DIPK1A: variants seen among roughly 807,000 people sequenced by gnomAD.
The protein encoded by DIPK1A is family with sequence similarity 69 member A.
A neutral mutation model predicts 40.8 loss-of-function variants in DIPK1A; 27 were observed. The ratio of observed to expected loss-of-function variants is 0.66; its 90% CI spans 0.49 to 0.91. The LOEUF (loss-of-function observed/expected upper bound fraction) is 0.91, where lower values mean the gene tolerates loss of function less well. Among genes scored for constraint, DIPK1A ranks in the 40% least tolerant of loss-of-function variants. The pLI, the probability that DIPK1A is intolerant of heterozygous loss-of-function variation, is 0.00. For missense variants in DIPK1A, 412 were observed against 505.7 expected, an observed-to-expected ratio of 0.81 and a Z score of 1.78; for synonymous variants, 166 against 171.3, an observed-to-expected ratio of 0.97 and a Z score of 0.24.
intron 1 of DIPK1A, among the ~76,000 whole-genome samples, chr1:92,956,114 G>C (rs1436654959): frequency 6.6e-6 from 1 of 151,918 alleles, no homozygotes; most frequent in Non-Finnish European, 1.5e-5. Context: ...CAGGACAAGG[G>C]GTATATGGGA....
intron 2 of DIPK1A, among the ~76,000 whole-genome samples, chr1:92,873,763 G>A (rs1647987435): frequency 6.6e-6 from 1 of 152,180 alleles, no homozygotes; most frequent in African/African-American, 2.4e-5. Flanking sequence ...CCAGGCTGGA[G>A]TGTTGTGGCA....
intron 1 of DIPK1A, among the ~76,000 whole-genome samples, chr1:92,877,851 A>G (rs1648196477): frequency 6.6e-6 from 1 of 152,242 alleles, no homozygotes; most frequent in Admixed American, 6.5e-5. Context: ...ACAGAAATCG[A>G]CATGTACTAA....
chr1:92,947,276 T>TA (rs1651414252), intron 1 of DIPK1A, among the ~76,000 whole-genome samples: 1 of 152,110 alleles, frequency 6.6e-6, no homozygotes, highest in African/African-American at 2.4e-5. Context: ...AGATATTTTT[T>TA]AAAAGTATAT....
chr1:92,909,280 C>T (rs1028708729), intron 1 of DIPK1A, among the ~76,000 whole-genome samples: 48 of 152,114 alleles, frequency 3.2e-4, no homozygotes, highest in Admixed American at 2.6e-4. Context: ...GTCTTTACTA[C>T]ACAAAATACC....
chr1:92,907,440 AT>A (rs1649668789), intron 1 of DIPK1A, among the ~76,000 whole-genome samples: 1 of 152,058 alleles, frequency 6.6e-6, no homozygotes, highest in South Asian at 2.1e-4. Context: ...TTTTTTTTTA[AT>A]TAAAAAAAGT....
At chr1:92,835,920 C>T (rs1557440755) in intron 4 of DIPK1A, among the ~76,000 whole-genome samples, 1 of 152,090 alleles carries the variant, frequency 6.6e-6, no homozygotes, top group Non-Finnish European at 1.5e-5. Flanking sequence ...TATGCATTCT[C>T]ATTGATTGCT....
At chr1:92,911,272 C>T (rs760468955) in intron 1 of DIPK1A, among the ~76,000 whole-genome samples, 17 of 152,138 alleles carry the variant, frequency 1.1e-4, no homozygotes, top group Admixed American at 3.3e-4. Context: ...TAACAGAGGC[C>T]CCAGAAAGCT....
At chr1:92,837,432 A>G (rs1458899932), downstream of DIPK1A, 5 of 1,602,404 alleles carry the variant, frequency 3.1e-6, no homozygotes, top group East Asian at 1.1e-4. Context: ...AGTCTATACT[A>G]AAATATGAAT....
intron 1 of DIPK1A, among the ~76,000 whole-genome samples, chr1:92,945,246 A>T (rs1651315423): frequency 6.6e-6 from 1 of 152,178 alleles, no homozygotes; most frequent in Non-Finnish European, 1.5e-5. Context: ...TGATAAAGGA[A>T]GATGGTGCCA....
In DIPK1A at chr1:92,847,312, T is replaced by G. The variant is rs755947754; in HGVS notation, c.345A>C (p.Gln115His). 6.2e-7 allele frequency: 1 copy of G among 1,612,208 alleles called. No homozygotes were observed. The highest frequency in any genetic ancestry group is 8.5e-7 in the Non-Finnish European group (1 of 1,179,156). The change falls in exon 4 of 5, where the codon CAA (glutamine) becomes CAC (histidine). Residue 115 changes from glutamine to histidine, a missense_variant. Coordinates refer to ENST00000370310, the MANE Select transcript of DIPK1A (RefSeq NM_001006605.5). ...WDNLPGVVKCQMEQALHLDFG... is the reference protein window; with the variant it reads ...WDNLPGVVKCHMEQALHLDFG... ...AATCAAGATGAAGCGCTTGTTCCATTTGACATTTCACAACACCTGGTAGAT... is the reference window on the plus strand; with the variant it reads ...AATCAAGATGAAGCGCTTGTTCCATGTGACATTTCACAACACCTGGTAGAT...
chr1:92,866,536 C>T (rs780380855), intron 2 of DIPK1A, among the ~76,000 whole-genome samples: 3 of 152,200 alleles, frequency 2.0e-5, no homozygotes, highest in Non-Finnish European at 4.4e-5. Flanking sequence ...CAAACTAAAT[C>T]ATTTTAACCT....
At chr1:92,863,886 C>A (rs1647404528) in intron 2 of DIPK1A, among the ~76,000 whole-genome samples, 1 of 151,962 alleles carries the variant, frequency 6.6e-6, no homozygotes, top group South Asian at 2.1e-4. Flanking sequence ...GAAACCCCGT[C>A]TCTACTAAAA....
At chr1:92,916,351 G>A (rs146765478) in intron 1 of DIPK1A, among the ~76,000 whole-genome samples, 138 of 149,772 alleles carry the variant, frequency 9.2e-4, no homozygotes, top group African/African-American at 3.3e-3. Flanking sequence ...ACCCAGGCTG[G>A]AGTGCAATGG....
chr1:92,904,999 G>A (rs540871355), intron 1 of DIPK1A, among the ~76,000 whole-genome samples: 46 of 151,986 alleles, frequency 3.0e-4, no homozygotes, highest in African/African-American at 9.9e-4. Context: ...TTTTTCCTAT[G>A]GCTGAATAGT....
Position 92,935,112 on chromosome 1 carries a change from G to A in DIPK1A, c.54+26264C>T, listed in dbSNP as rs1431263358. Among the ~76,000 whole-genome samples the A allele has an allele frequency of 2.0e-5, 3 of 152,196 alleles. No individual in the cohort carries two copies. In the South Asian group the frequency reaches 6.2e-4, roughly 32 times the overall value. On this transcript the variant is annotated intron_variant, in intron 1 of 4. Transcript: ENST00000370310. ...GCAAACTGAAGCCCAGCGAAGGTGGGTCATTTGCTCAGAATCATACAGCTA... is the reference window on the plus strand; with the variant it reads ...GCAAACTGAAGCCCAGCGAAGGTGGATCATTTGCTCAGAATCATACAGCTA...
downstream of DIPK1A, chr1:92,840,420 GT>G (rs921348078): frequency 2.9e-5 from 21 of 736,242 alleles, no homozygotes; most frequent in Middle Eastern, 7.7e-4. Flanking sequence ...AAGTTAAAGT[GT>G]TTACCAACAT....
At chr1:92,954,230 A>G (rs866022301) in intron 1 of DIPK1A, among the ~76,000 whole-genome samples, 8 of 151,956 alleles carry the variant, frequency 5.3e-5, no homozygotes, top group African/African-American at 1.9e-4. Flanking sequence ...TGGAAGTCCA[A>G]GGTGGGAAGG....
chr1:92,908,294 A>G (rs1450780080), intron 1 of DIPK1A, among the ~76,000 whole-genome samples: 1 of 152,180 alleles, frequency 6.6e-6, no homozygotes. Flanking sequence ...TTAGAGTGAG[A>G]AAAGGGTTTA....
Position 92,842,941 on chromosome 1 carries a change from T to G in DIPK1A, c.*442A>C. 2.0e-6 allele frequency: 2 copies of G among 989,614 alleles called. No individual in the cohort carries two copies. 61.3% of individuals were successfully genotyped at this position (989,614 alleles called of 1,614,324 possible). A position where few individuals can be genotyped will look rare whatever the true frequency, so the allele number is the denominator to read the frequency against. On this transcript the variant is annotated 3_prime_UTR_variant, in exon 5 of 5. Coordinates refer to ENST00000370310, the MANE Select transcript of DIPK1A (RefSeq NM_001006605.5). ...AGCAAGTTTAACCTGCTTTGCAGTCTTAATTTCTGTTAATGTGCAAACTTT... is the reference window on the plus strand; with the variant it reads ...AGCAAGTTTAACCTGCTTTGCAGTCGTAATTTCTGTTAATGTGCAAACTTT...
Sources: gnomAD v4.1 joint callset for allele counts (sites outside exome capture counted in the v4.1 genomes callset) on GRCh38, gnomAD v4.1.1 for gene constraint, MANE v1.5 for transcripts, NCBI Gene and HGNC (gene_info 2026-07-23, HGNC 2026-07-21) for gene names.